The following ARHGEF4 variants were observed in gnomAD, a reference collection of about 807,000 sequenced individuals.
The protein encoded by ARHGEF4 is Rho guanine nucleotide exchange factor 4.
A neutral mutation model predicts 162.0 loss-of-function variants in ARHGEF4; 119 were observed. That is an observed-to-expected ratio of 0.73 (90% CI 0.63 to 0.86). ARHGEF4 has a LOEUF of 0.86. Ranked by LOEUF, ARHGEF4 falls within the 40% of genes least tolerant of loss-of-function variation. The probability of loss-of-function intolerance (pLI) is 0.00; values close to 1 mark genes in which losing one functional copy is unlikely to be tolerated. For synonymous variants in ARHGEF4, 1,014 were observed against 979.9 expected (o/e 1.03, Z -0.65); for missense variants, 2,488 against 2,456.0 (o/e 1.01, Z -0.28).
At chr2:130,971,900 A>C (rs1407987148) in intron 4 of ARHGEF4, among the ~76,000 whole-genome samples, 1 of 152,142 alleles carries the variant, frequency 6.6e-6, no homozygotes, top group African/African-American at 2.4e-5. Flanking sequence ...TTTCCAATAT[A>C]TTTTCAAGTT....
At chr2:130,891,395 G>T (rs1266035129) in intron 1 of ARHGEF4, among the ~76,000 whole-genome samples, 1 of 152,156 alleles carries the variant, frequency 6.6e-6, no homozygotes, top group Non-Finnish European at 1.5e-5. Flanking sequence ...TAGATCACAG[G>T]TTGGCAAACT....
rs1029702095 is a variant in ARHGEF4, at chr2:130,915,401, G to A, written c.1455G>A (p.Glu485=). The change falls in exon 2 of 14, where the codon GAG becomes GAA. Residue 485 remains glutamate (E), a synonymous_variant. Transcript: ENST00000409359. ...AACTCGCACCAAGAGCTGCTGATGA[G>A]AGAGAGACACAGAAGCACCTCTGGG... ...GTQLAPRAAD[E]RETQKHLWGI... is the part of the protein sequence containing the mutation. 6.4e-7 allele frequency: 1 copy of A among 1,550,572 alleles called. No homozygotes were observed. Among genetic ancestry groups the A allele is most frequent in the Non-Finnish European group, 8.7e-7 (1 of 1,146,976 alleles).
intron 1 of ARHGEF4, among the ~76,000 whole-genome samples, chr2:130,852,296 G>A (rs1681466349): frequency 6.6e-6 from 1 of 152,170 alleles, no homozygotes; most frequent in African/African-American, 2.4e-5. Flanking sequence ...GGGGAGCCCA[G>A]GAAAGGAAAC....
At position 130,914,329 on chromosome 2, in the gene ARHGEF4, A is replaced by AG. The variant is rs1325116617; in HGVS notation, c.385dup (p.Glu129GlyfsTer8). The AG allele has an allele frequency of 6.8e-7, 1 of 1,474,734 alleles. No individual in the cohort carries two copies. The highest frequency in any genetic ancestry group is 1.4e-5 in the African/African-American group (1 of 71,198). The allele number at this position is 1,474,734 out of a possible 1,614,324, so 91.4% of individuals were successfully genotyped here. A position where few individuals can be genotyped will look rare whatever the true frequency, so the allele number is the denominator to read the frequency against. On this transcript the variant is annotated frameshift_variant, in exon 2 of 14. Transcript: ENST00000409359. LOFTEE classifies it high-confidence loss of function. ...ACCAGTGTTCCTGGGCTTCATGCAA[A>AG]GGAAGAACTCGATTTGTCCCCTAGC... is the stretch of plus-strand genomic sequence containing the variant.
At chr2:130,998,313 C>G (rs1460303367) in intron 4 of ARHGEF4, among the ~76,000 whole-genome samples, 1 of 152,142 alleles carries the variant, frequency 6.6e-6, no homozygotes, top group Non-Finnish European at 1.5e-5. Flanking sequence ...CTCACCCTGT[C>G]ACCAGTTATT....
chr2:130,975,587 T>TC (rs989134226), intron 4 of ARHGEF4, among the ~76,000 whole-genome samples: 55 of 152,250 alleles, frequency 3.6e-4, no homozygotes, highest in African/African-American at 1.3e-3. Context: ...GTGACTCTTG[T>TC]CCCCATTGCC....
intron 1 of ARHGEF4, among the ~76,000 whole-genome samples, chr2:130,869,735 T>C (rs1372448423): frequency 6.6e-6 from 1 of 152,196 alleles, no homozygotes; most frequent in African/African-American, 2.4e-5. Flanking sequence ...GGAGCTGACA[T>C]ATCCGCATTC....
chr2:130,933,930 C>G (rs1258209357), intron 3 of ARHGEF4, among the ~76,000 whole-genome samples: 1 of 152,068 alleles, frequency 6.6e-6, no homozygotes, highest in African/African-American at 2.4e-5. Flanking sequence ...TCTTTTATCC[C>G]TTACTTGCTC....
At chr2:130,841,068 GTTGT>G (rs537047001) in intron 1 of ARHGEF4, among the ~76,000 whole-genome samples, 21 of 152,070 alleles carry the variant, frequency 1.4e-4, no homozygotes, top group South Asian at 2.1e-4. Flanking sequence ...TTAAAAAGTG[GTTGT>G]TTGTTTGTTT....
intron 4 of ARHGEF4, among the ~76,000 whole-genome samples, chr2:131,017,426 G>T (rs577020153): frequency 6.6e-6 from 1 of 152,306 alleles, no homozygotes; most frequent in Non-Finnish European, 1.5e-5. Flanking sequence ...CACACCCTGT[G>T]CTGGGAGCTG....
chr2:130,890,434 T>C (rs1574169457), intron 1 of ARHGEF4, among the ~76,000 whole-genome samples: 1 of 152,128 alleles, frequency 6.6e-6, no homozygotes, highest in South Asian at 2.1e-4. Flanking sequence ...TGGTGGCGGG[T>C]GCCTGTAGTC....
intron 11 of ARHGEF4, 60 bp downstream of exon 11, chr2:131,043,643 G>A: frequency 1.2e-6 from 2 of 1,610,036 alleles, no homozygotes; most frequent in South Asian, 2.2e-5. Flanking sequence ...GGGGAGCTGA[G>A]GGCTGGGAGC....
intron 4 of ARHGEF4, among the ~76,000 whole-genome samples, chr2:131,009,900 A>G (rs1040597117): frequency 6.6e-6 from 1 of 152,158 alleles, no homozygotes; most frequent in Non-Finnish European, 1.5e-5. Context: ...TTTCGATTGT[A>G]TGTTGGCTAT....
intron 1 of ARHGEF4, among the ~76,000 whole-genome samples, chr2:130,847,096 T>C (rs1217269783): frequency 6.6e-6 from 1 of 152,156 alleles, no homozygotes; most frequent in Non-Finnish European, 1.5e-5. Context: ...CCTGACGCAC[T>C]GGGTCCAGTC....
intron 1 of ARHGEF4, among the ~76,000 whole-genome samples, chr2:130,857,231 CAAAAAAAT>C (rs1245547677): frequency 1.0e-4 from 15 of 148,922 alleles, no homozygotes; most frequent in Non-Finnish European, 2.1e-4. Flanking sequence ...GACTCCATCT[CAAAAAAAT>C]AAAAAAATAA....
At chr2:131,031,469 G>A (rs984881214) in intron 5 of ARHGEF4, among the ~76,000 whole-genome samples, 4 of 152,194 alleles carry the variant, frequency 2.6e-5, no homozygotes, top group Admixed American at 2.6e-4. Context: ...CGTCAGGGAC[G>A]CACCAGGTCC....
rs1235297130 is a variant in ARHGEF4, at chr2:130,915,960, G to GA, written c.2015dup (p.Thr673AspfsTer4). The stretch of plus-strand genomic sequence containing the variant: ...ACCAGAATCTCCCTTGAGCACTGGC[G>GA]AGACCCCCTGTGAGTCTCCCACTAG... On this transcript the variant is annotated frameshift_variant, in exon 2 of 14. Transcript: ENST00000409359. LOFTEE classifies it high-confidence loss of function. 9 of 1,550,550 alleles carry GA rather than the reference G, an allele frequency of 5.8e-6. No homozygotes were observed. Among genetic ancestry groups the GA allele is most frequent in the Non-Finnish European group, 2.6e-6 (3 of 1,146,986 alleles).
At chr2:130,888,740 T>C (rs905613757) in intron 1 of ARHGEF4, among the ~76,000 whole-genome samples, 6 of 152,112 alleles carry the variant, frequency 3.9e-5, no homozygotes, top group Non-Finnish European at 8.8e-5. Flanking sequence ...AGACAACATA[T>C]TCTGAATGAT....
intron 4 of ARHGEF4, among the ~76,000 whole-genome samples, chr2:130,970,543 C>G (rs1056768055): frequency 1.2e-4 from 17 of 144,396 alleles, no homozygotes; most frequent in African/African-American, 4.4e-4. Flanking sequence ...GAGCCAAGAT[C>G]ACATCATTGC....
Sources: allele counts gnomAD v4.1 joint callset (sites outside exome capture counted in the v4.1 genomes callset), GRCh38; gene constraint gnomAD v4.1.1; transcripts MANE v1.5; gene names NCBI Gene and HGNC (gene_info 2026-07-23, HGNC 2026-07-21).